CPED1: variants seen among roughly 807,000 people sequenced by gnomAD.
The protein encoded by CPED1 is cadherin like and PC-esterase domain containing 1, also known as cadherin-like and PC-esterase domain-containing protein 1.
In CPED1, 114 loss-of-function variants were observed where a neutral mutation model predicts 128.2. That is an observed-to-expected ratio of 0.89 (90% confidence interval 0.76 to 1.04). The LOEUF (loss-of-function observed/expected upper bound fraction) is 1.04. Ranked by LOEUF, CPED1 falls within the 50% of genes least tolerant of loss-of-function variation. CPED1 has a pLI of 0.00. For synonymous variants in CPED1, 462 were observed against 426.7 expected, an observed-to-expected ratio of 1.08 and a Z score of -1.02; for missense variants, 1,211 against 1,207.1, an observed-to-expected ratio of 1.00 and a Z score of -0.05.
At chr7:121,174,479 T>A (rs1386137038) in intron 16 of CPED1, among the ~76,000 whole-genome samples, 1 of 149,996 alleles carries the variant, frequency 6.7e-6, no homozygotes. Flanking sequence ...GAATAGATAA[T>A]CCTTTCCCCA....
chr7:121,103,499 T>C lies in CPED1; in HGVS notation c.918+3405T>C, dbSNP rs117740409. 1.9e-4 allele frequency among the ~76,000 whole-genome samples: 29 copies of C among 152,306 alleles called. No individual in the cohort carries two copies. In the East Asian group the frequency reaches 5.0e-3, roughly 26 times the overall value. Reference sequence around the variant, plus strand: ...ATAGATTATAACTCATCTGTTAAATTACTTAACCATCCTCAGAAATACTGC... The same window carrying C: ...ATAGATTATAACTCATCTGTTAAATCACTTAACCATCCTCAGAAATACTGC... On this transcript the variant is annotated intron_variant, in intron 7 of 22. Transcript: ENST00000310396.
At position 121,015,700 on chromosome 7, in the gene CPED1, T is replaced by G. The variant is rs1252665820; in HGVS notation, c.285T>G (p.His95Gln). 6.2e-7 allele frequency: 1 copy of G among 1,602,732 alleles called. No homozygotes were observed. The highest frequency in any genetic ancestry group is 8.5e-7 in the Non-Finnish European group (1 of 1,176,646). ...CAATGGAGACACACTTTGGCAGCCA[T>G]GGCCGAAGGGCCATACTCTACAGGC... ...KESMETHFGSHGRRAILYRPP... is the reference protein window; with the variant it reads ...KESMETHFGSQGRRAILYRPP... The change falls in exon 3 of 23, where the codon CAT becomes CAG. Residue 95 changes from histidine to glutamine, a missense_variant. Transcript: ENST00000310396.
rs143097226 is a variant in CPED1 at position 121,031,373 on chromosome 7, G to A, written c.434-15514G>A. 3.7e-3 allele frequency among the ~76,000 whole-genome samples: 558 copies of A among 152,038 alleles called. 4 individuals carry two copies. Among genetic ancestry groups the A allele is most frequent in the African/African-American group, 0.012 (517 of 41,484 alleles). On this transcript the variant is annotated intron_variant, in intron 3 of 22. Coordinates refer to ENST00000310396, the MANE Select transcript of CPED1 (RefSeq NM_024913.5). Reference sequence around the variant, plus strand: ...GTTGCCCAGGTTGGAGGGCAGTGGCGTGATCCCAGGTTCAAGCGATTCTCC... The same window carrying A: ...GTTGCCCAGGTTGGAGGGCAGTGGCATGATCCCAGGTTCAAGCGATTCTCC...
intron 16 of CPED1, among the ~76,000 whole-genome samples, chr7:121,172,645 G>GA (rs1460236625): frequency 1.5e-5 from 2 of 137,434 alleles, no homozygotes; most frequent in African/African-American, 2.7e-5. Context: ...TGGGTGGGTG[G>GA]TTGGATGGAT....
intron 7 of CPED1, among the ~76,000 whole-genome samples, chr7:121,108,679 C>G (rs1190239265): frequency 2.0e-5 from 3 of 151,812 alleles, no homozygotes; most frequent in African/African-American, 7.3e-5. Context: ...TATAAATATG[C>G]AAAGTACACA....
intron 2 of CPED1, among the ~76,000 whole-genome samples, chr7:121,015,187 A>G (rs998969874): frequency 5.3e-5 from 8 of 152,200 alleles, no homozygotes; most frequent in Admixed American, 4.6e-4. Context: ...CTGTTTATCT[A>G]CAAAGAGCTC....
intron 7 of CPED1, among the ~76,000 whole-genome samples, chr7:121,106,148 T>A (rs1794970440): frequency 6.6e-6 from 1 of 152,076 alleles, no homozygotes; most frequent in African/African-American, 2.4e-5. Flanking sequence ...AACTGCCATT[T>A]GGGGAAAATA....
chr7:121,149,590 A>G (rs1796105360), intron 16 of CPED1: 1 of 152,154 alleles, frequency 6.6e-6, no homozygotes. Context: ...AGCCAACACA[A>G]TGTGCAGGAG....
In CPED1 at chr7:121,039,046, G is replaced by T. The variant is rs151226616; in HGVS notation, c.434-7841G>T. Among the ~76,000 whole-genome samples the T allele has an allele frequency of 3.0e-3, 455 of 152,094 alleles. 4 individuals carry two copies. Among genetic ancestry groups the T allele is most frequent in the African/African-American group, 0.01 (423 of 41,500 alleles). On this transcript the variant is annotated intron_variant, in intron 3 of 22. Transcript: ENST00000310396. ...TTTCCATATTGAACTACTTGGAAAGGTGTCACCATGTGCCATTCACGCTAA... is the reference window on the plus strand; with the variant it reads ...TTTCCATATTGAACTACTTGGAAAGTTGTCACCATGTGCCATTCACGCTAA...
At chr7:121,282,922 T>C (rs1177713546) in intron 22 of CPED1, among the ~76,000 whole-genome samples, 1 of 152,180 alleles carries the variant, frequency 6.6e-6, no homozygotes, top group East Asian at 1.9e-4. Flanking sequence ...ACTCTGAAGA[T>C]TGAAAGATGG....
Position 121,125,904 on chromosome 7 carries a change from A to G in CPED1, c.1134+12A>G. ...CTGTAGTGCTCCAGGTCAGTATGCCAAAGGCCTCATGTGAGCTTCTACCTT... is the reference window on the plus strand; with the variant it reads ...CTGTAGTGCTCCAGGTCAGTATGCCGAAGGCCTCATGTGAGCTTCTACCTT... On this transcript the variant is annotated intron_variant, in intron 9 of 22. Transcript: ENST00000310396. 6.4e-7 allele frequency: 1 copy of G among 1,571,930 alleles called. No individual in the cohort carries two copies. Among genetic ancestry groups the G allele is most frequent in the Non-Finnish European group, 8.8e-7 (1 of 1,141,748 alleles).
intron 18 of CPED1, among the ~76,000 whole-genome samples, chr7:121,251,606 AC>A (rs1562850869): frequency 1.3e-5 from 2 of 152,370 alleles, no homozygotes; most frequent in East Asian, 3.9e-4. Flanking sequence ...CTGATAAGCA[AC>A]TACAGCAAAG....
At chr7:120,998,164 C>A (rs1169383535) in intron 2 of CPED1, among the ~76,000 whole-genome samples, 1 of 152,050 alleles carries the variant, frequency 6.6e-6, no homozygotes, top group East Asian at 1.9e-4. Flanking sequence ...ACTGCTGACA[C>A]TGTTATTTCA....
chr7:121,056,148 T>C (rs1160097714), intron 4 of CPED1, among the ~76,000 whole-genome samples: 1 of 152,114 alleles, frequency 6.6e-6, no homozygotes, highest in East Asian at 1.9e-4. Context: ...CAAATCCAAA[T>C]TGTGTTTTTT....
At chr7:121,271,491 C>T in intron 22 of CPED1, 61 bp downstream of exon 22, 1 of 1,488,176 alleles carries the variant, frequency 6.7e-7, no homozygotes, top group Admixed American at 1.8e-5. Context: ...TTTGTTGTAT[C>T]TTTAATTGTA....
intron 4 of CPED1, among the ~76,000 whole-genome samples, chr7:121,055,529 A>T (rs1473352636): frequency 6.6e-6 from 1 of 151,460 alleles, no homozygotes; most frequent in African/African-American, 2.4e-5. Context: ...TTACACAAAC[A>T]CTAACACAAA....
chr7:121,268,304 A>G (rs757041985), intron 21 of CPED1, among the ~76,000 whole-genome samples: 1 of 152,044 alleles, frequency 6.6e-6, no homozygotes, highest in African/African-American at 2.4e-5. Context: ...AGTAATTGGC[A>G]TACTTGTGGC....
At position 121,231,185 on chromosome 7, in the gene CPED1, G is replaced by T. The variant is rs1229068002; in HGVS notation, c.2056-5529G>T. Among the ~76,000 whole-genome samples, 4 of 152,190 alleles carry T rather than the reference G, an allele frequency of 2.6e-5. No individual in the cohort carries two copies. The East Asian group carries it at 5.8e-4, about 22-fold the overall frequency. On this transcript the variant is annotated intron_variant, in intron 16 of 22. Coordinates refer to ENST00000310396, the MANE Select transcript of CPED1 (RefSeq NM_024913.5). Reference sequence around the variant, plus strand: ...TTGAGTTGGTATTTGGTAATAAGGAGTGTTAACAAAAGCAAAAGGTGAGCA... The same window carrying T: ...TTGAGTTGGTATTTGGTAATAAGGATTGTTAACAAAAGCAAAAGGTGAGCA...
At chr7:121,049,243 A>G (rs1364605190) in intron 4 of CPED1, among the ~76,000 whole-genome samples, 1 of 152,240 alleles carries the variant, frequency 6.6e-6, no homozygotes, top group Non-Finnish European at 1.5e-5. Context: ...AACTAGCAAC[A>G]TTATAAAAGT....
Sources: gnomAD v4.1 joint callset for allele counts (sites outside exome capture counted in the v4.1 genomes callset) on GRCh38, gnomAD v4.1.1 for gene constraint, MANE v1.5 for transcripts, NCBI Gene and HGNC (gene_info 2026-07-23, HGNC 2026-07-21) for gene names.